Variants in EVC observed in about 807,000 individuals in gnomAD.
The protein encoded by EVC is evC complex member EVC.
Under a neutral mutation model 118.9 loss-of-function variants are expected in EVC, and 116 were observed. That is an observed-to-expected ratio of 0.98 (90% CI 0.84 to 1.14). The LOEUF (loss-of-function observed/expected upper bound fraction) is 1.14. Among genes scored for constraint, EVC ranks in the 50% most tolerant of loss-of-function variants. The probability of loss-of-function intolerance (pLI) is 0.00; values close to 1 mark genes in which losing one functional copy is unlikely to be tolerated. For missense variants in EVC, 1,401 were observed against 1,246.4 expected (o/e 1.12, Z -1.87); for synonymous variants, 619 against 534.7 (o/e 1.16, Z -2.18).
chr4:5,827,609 TACACACACGC>T, the EVC span, among the ~76,000 whole-genome samples: 1 of 151,702 alleles, frequency 6.6e-6, no homozygotes, highest in Non-Finnish European at 1.5e-5. Flanking sequence ...CATGCTCGCA[TACACACACGC>T]GCACACACAC....
chr4:5,827,357 C>T, the EVC span, among the ~76,000 whole-genome samples: 1 of 152,182 alleles, frequency 6.6e-6, no homozygotes, highest in Non-Finnish European at 1.5e-5. Context: ...CTTGTTTCCA[C>T]CCCATCCCTT....
In EVC at chr4:5,719,270, T is replaced by C; in HGVS notation, c.197T>C (p.Leu66Pro). The C allele has an allele frequency of 6.2e-7, 1 of 1,614,016 alleles. No homozygotes were observed. The highest frequency in any genetic ancestry group is 1.3e-5 in the African/African-American group (1 of 74,996). Residue 66 changes from leucine (L) to proline (P), a missense_variant, in exon 2 of 21, where the codon CTC (leucine) becomes CCC (proline). By Grantham distance (98) the Leu-to-Pro change is moderately conservative. Coordinates refer to ENST00000264956, the MANE Select transcript of EVC (RefSeq NM_153717.3). This position sits in a 1 kb window ranked among gnomAD's most constrained non-coding sequence, Gnocchi z 4.7. ...TAGAAAGACGACACTCAAAATCTGC[T>C]CAAGAATTTGGAGTCTAATGCGCAG... ...RHQKDDTQNL[L>P]KNLESNAQTP...
rs748201094 is a variant in EVC, at chr4:5,741,785, T to TA, written c.773dup (p.Tyr258Ter). The change falls in exon 6 of 21, where the codon TAC (tyrosine) becomes TAAC (stop). Residue 258 changes from tyrosine to a stop codon, truncating the protein, a stop_gained and frameshift_variant. Transcript: ENST00000264956. LOFTEE classifies it high-confidence loss of function. Reference protein sequence around the residue: ...LPKKKSDDELYQKILSKQEKD... With the variant: ...LPKKKSDDEL ...TAAAAAGAAGTCAGATGATGAACTATACCAGAAGATCCTTTCAAAACAAGA... is the reference window on the plus strand; with the variant it reads ...TAAAAAGAAGTCAGATGATGAACTATAACCAGAAGATCCTTTCAAAACAAGA... 3 of 1,545,860 alleles carry TA rather than the reference T, an allele frequency of 1.9e-6. No homozygotes were observed. The highest frequency in any genetic ancestry group is 1.8e-6 in the Non-Finnish European group (2 of 1,119,532).
the EVC span, chr4:5,825,637 G>C: frequency 6.2e-7 from 1 of 1,611,502 alleles, no homozygotes; most frequent in South Asian, 1.1e-5. This position sits in a 1 kb window ranked among gnomAD's most constrained non-coding sequence, Gnocchi z 4.4. Flanking sequence ...CATGCCCCTG[G>C]AAACCCCTTG....
At chr4:5,713,693 A>T (rs1323457500) in intron 1 of EVC, among the ~76,000 whole-genome samples, 1 of 150,354 alleles carries the variant, frequency 6.7e-6, no homozygotes, top group Non-Finnish European at 1.5e-5. Flanking sequence ...AAAAAAAAAA[A>T]AAAAATTAGA....
intron 5 of EVC, among the ~76,000 whole-genome samples, chr4:5,740,159 G>A (rs1169295611): frequency 1.3e-5 from 2 of 151,910 alleles, no homozygotes; most frequent in African/African-American, 4.8e-5. Flanking sequence ...AATGTAAACA[G>A]TAAACTATAA....
chr4:5,808,834 C>T (rs1204883678), intron 18 of EVC, among the ~76,000 whole-genome samples: 1 of 152,208 alleles, frequency 6.6e-6, no homozygotes, highest in African/African-American at 2.4e-5. Context: ...TAAAGTGTGG[C>T]TAAGCAAAGT....
At position 5,745,282 on chromosome 4, in the gene EVC, A is replaced by G. The variant is rs779502889; in HGVS notation, c.880A>G (p.Ile294Val). ...GTCGGGGGCTGGTGACTCTGAGTAC[A>G]TCACCCTGGCTGATGTGGAAAAGAA... is the stretch of plus-strand genomic sequence containing the variant. ...EMSGAGDSEY[I>V]TLADVEKKER... Residue 294 changes from isoleucine to valine, a missense_variant, in exon 7 of 21, where the codon ATC (isoleucine) becomes GTC (valine). By Grantham distance (29) the Ile-to-Val change is conservative. Coordinates refer to ENST00000264956, the MANE Select transcript of EVC (RefSeq NM_153717.3). 10 of 1,613,960 alleles carry G rather than the reference A, an allele frequency of 6.2e-6. No homozygotes were observed. The African/African-American group carries it at 1.3e-4, about 22-fold the overall frequency.
chr4:5,809,694 A>G, intron 19 of EVC, 83 bp downstream of exon 19: 2 of 1,237,854 alleles, frequency 1.6e-6, no homozygotes, highest in Non-Finnish European at 2.3e-6. Flanking sequence ...GCCACTAACT[A>G]GCTGTGTGAC....
intron 2 of EVC, among the ~76,000 whole-genome samples, chr4:5,722,830 C>G (rs116749709): frequency 0.033 from 4,990 of 152,304 alleles, 276 homozygotes; most frequent in African/African-American, 0.11. Context: ...GTACATTTCG[C>G]TGCAACCAAT....
Position 5,802,074 on chromosome 4 carries a change from A to G in EVC, c.2429A>G (p.Gln810Arg). ...GAGGACCACGAGGAGAGAAAACTGCAGCACCTGAAGACCCTGCAGGGTACG... is the reference window on the plus strand; with the variant it reads ...GAGGACCACGAGGAGAGAAAACTGCGGCACCTGAAGACCCTGCAGGGTACG... ...IMEDHEERKLQHLKTLQGERM... is the reference protein window; with the variant it reads ...IMEDHEERKLRHLKTLQGERM... The change falls in exon 16 of 21, where the codon CAG (glutamine) becomes CGG (arginine). Residue 810 changes from glutamine (Q) to arginine (R), a missense_variant. Physicochemically the swap from Gln to Arg is conservative, Grantham distance 43 (BLOSUM62 1). Transcript: ENST00000264956. The G allele has an allele frequency of 6.2e-7, 1 of 1,613,320 alleles. No individual in the cohort carries two copies. The highest frequency in any genetic ancestry group is 1.1e-5 in the South Asian group (1 of 90,906).
chr4:5,770,522 C>T (rs1271588795), intron 11 of EVC, among the ~76,000 whole-genome samples: 1 of 152,130 alleles, frequency 6.6e-6, no homozygotes, highest in East Asian at 1.9e-4. Context: ...GCCTAGGAGT[C>T]AGGCCCAAGC....
At chr4:5,730,413 C>T (rs184502909) in intron 3 of EVC, among the ~76,000 whole-genome samples, 3 of 150,384 alleles carry the variant, frequency 2.0e-5, no homozygotes, top group African/African-American at 7.3e-5. Context: ...TGAGCAGTAA[C>T]TGGCTCAAGG....
chr4:5,741,244 A>G (rs1179477955), intron 5 of EVC, among the ~76,000 whole-genome samples: 3 of 152,216 alleles, frequency 2.0e-5, no homozygotes, highest in Admixed American at 2.0e-4. Context: ...CTTCCTGGGT[A>G]TCCCCACTTA....
downstream of EVC, among the ~76,000 whole-genome samples, chr4:5,816,066 C>G (rs1717626638): frequency 6.6e-6 from 1 of 152,124 alleles, no homozygotes; most frequent in Non-Finnish European, 1.5e-5. Context: ...CCCAGGGGCT[C>G]ATTAAAAACA....
chr4:5,745,336 G>A lies in EVC; in HGVS notation c.934G>A (p.Asp312Asn), dbSNP rs115275195. 4,299 of 1,613,798 alleles carry A rather than the reference G, an allele frequency of 2.7e-3. 16 individuals are homozygous for A. The highest frequency in any genetic ancestry group is 3.2e-3 in the Non-Finnish European group (3,795 of 1,179,898). Residue 312 changes from aspartate (D) to asparagine (N), a missense_variant, in exon 7 of 21, where the codon GAT becomes AAT. Transcript: ENST00000264956. ...KEREYSEQLIDNMEAFWKQMA... is the reference protein window; with the variant it reads ...KEREYSEQLINNMEAFWKQMA... Reference sequence around the variant, plus strand: ...GAGAGAATACTCTGAACAGCTAATCGATAATGTGCGTGCCAGACTTTCTTT... The same window carrying A: ...GAGAGAATACTCTGAACAGCTAATCAATAATGTGCGTGCCAGACTTTCTTT...
At chr4:5,797,840 T>C (rs774710625) in intron 14 of EVC, among the ~76,000 whole-genome samples, 1 of 152,160 alleles carries the variant, frequency 6.6e-6, no homozygotes, top group Non-Finnish European at 1.5e-5. Context: ...GGGGGACAGG[T>C]GCAGTTGTCA....
intron 13 of EVC, among the ~76,000 whole-genome samples, chr4:5,794,644 C>A (rs562908202): frequency 4.0e-4 from 61 of 151,818 alleles, no homozygotes; most frequent in Admixed American, 8.5e-4. Flanking sequence ...CTCCTAACCT[C>A]AAATGATCTA....
downstream of EVC, among the ~76,000 whole-genome samples, chr4:5,814,535 G>A (rs1341297184): frequency 6.6e-6 from 1 of 152,092 alleles, no homozygotes; most frequent in African/African-American, 2.4e-5. Flanking sequence ...AAATCTGCCT[G>A]GCCTTATGGG....
Sources: gnomAD v4.1 joint callset for allele counts (sites outside exome capture counted in the v4.1 genomes callset) on GRCh38, gnomAD v4.1.1 for gene constraint, Gnocchi (gnomAD v3.1) non-coding constraint, MANE v1.5 for transcripts, NCBI Gene and HGNC (gene_info 2026-07-23, HGNC 2026-07-21) for gene names.